Variants in PRLR observed in about 807,000 individuals in gnomAD.
The protein encoded by PRLR is hPRL receptor.
Under a neutral mutation model 40.2 loss-of-function variants are expected in PRLR, and 13 were observed. The ratio of observed to expected loss-of-function variants is 0.32; its 90% CI spans 0.21 to 0.51. The LOEUF (loss-of-function observed/expected upper bound fraction) is 0.51. PRLR is among the 20% of genes least tolerant of loss of function. The pLI, the probability that PRLR is intolerant of heterozygous loss-of-function variation, is 0.97. For synonymous variants in PRLR, 269 were observed against 278.7 expected (o/e 0.97, Z 0.35); for missense variants, 656 against 747.3 (o/e 0.88, Z 1.42).
At position 35,068,799 on chromosome 5, in the gene PRLR, T is replaced by C. The variant is rs375253437; in HGVS notation, c.765A>G (p.Ala255=). Residue 255 remains alanine (A), a synonymous_variant, in exon 8 of 10, where the codon GCA becomes GCG. Transcript: ENST00000618457. ...AGTACCTATAGCCCTTCAAAGCCACTGCCCAGACAATAATCAAACAGATGA... is the reference window on the plus strand; with the variant it reads ...AGTACCTATAGCCCTTCAAAGCCACCGCCCAGACAATAATCAAACAGATGA... The part of the protein sequence containing the change: ...SAVICLIIVW[A]VALKGYSMVT... 67 of 1,609,792 alleles carry C rather than the reference T, an allele frequency of 4.2e-5. No individual in the cohort carries two copies. The highest frequency in any genetic ancestry group is 2.5e-4 in the African/African-American group (19 of 74,638).
chr5:35,109,960 G>C (rs1268742414), intron 2 of PRLR, among the ~76,000 whole-genome samples: 1 of 152,154 alleles, frequency 6.6e-6, no homozygotes. Context: ...AAGGCTTGGA[G>C]CCAACCCAAA....
At chr5:35,093,385 C>T (rs1278185944) in intron 2 of PRLR, among the ~76,000 whole-genome samples, 2 of 152,222 alleles carry the variant, frequency 1.3e-5, no homozygotes, top group Non-Finnish European at 2.9e-5. Flanking sequence ...CCTATGCAGT[C>T]CCCAAGCCAA....
intron 6 of PRLR, 31 bp from the exon 7 acceptor site, chr5:35,070,296 T>C (rs1255393915): frequency 6.2e-7 from 1 of 1,609,654 alleles, no homozygotes; most frequent in South Asian, 1.1e-5. Flanking sequence ...CAGAAGTCAA[T>C]TCTAACATTT....
At chr5:35,109,060 C>T (rs1772469755) in intron 2 of PRLR, among the ~76,000 whole-genome samples, 1 of 152,080 alleles carries the variant, frequency 6.6e-6, no homozygotes, top group African/African-American at 2.4e-5. Context: ...ATAAATAATA[C>T]CACGCATCTA....
At position 35,229,259 on chromosome 5, in the gene PRLR, T is replaced by A. The variant is rs146165844; in HGVS notation, c.-106+1009A>T. On this transcript the variant is annotated intron_variant, in intron 1 of 9. Coordinates refer to ENST00000618457, the MANE Select transcript of PRLR (RefSeq NM_000949.7). ...ATTGGGATTAGCAGCACTTCCCTGGTCAAGTGAAGCACGATTTCAGGTGGG... is the reference window on the plus strand; with the variant it reads ...ATTGGGATTAGCAGCACTTCCCTGGACAAGTGAAGCACGATTTCAGGTGGG... 4.0e-5 allele frequency among the ~76,000 whole-genome samples: 6 copies of A among 151,738 alleles called. No homozygotes were observed. In the East Asian group the frequency reaches 1.2e-3, roughly 29 times the overall value.
At chr5:35,149,169 T>C (rs1213783220) in intron 1 of PRLR, among the ~76,000 whole-genome samples, 2 of 152,146 alleles carry the variant, frequency 1.3e-5, no homozygotes, top group Non-Finnish European at 2.9e-5. Context: ...TTAGTATAAT[T>C]AGTAAGCAGC....
chr5:35,206,050 T>C (rs1431374939), intron 1 of PRLR, among the ~76,000 whole-genome samples: 1 of 152,180 alleles, frequency 6.6e-6, no homozygotes, highest in African/African-American at 2.4e-5. Flanking sequence ...GAAAACTGTT[T>C]ATCATCTTCA....
intron 2 of PRLR, among the ~76,000 whole-genome samples, chr5:35,109,803 G>A (rs1772528055): frequency 6.6e-6 from 1 of 152,208 alleles, no homozygotes. Context: ...GTGGAAGACA[G>A]CGTGGCGATT....
At chr5:35,161,063 G>A (rs1266410916) in intron 1 of PRLR, among the ~76,000 whole-genome samples, 2 of 152,210 alleles carry the variant, frequency 1.3e-5, no homozygotes, top group South Asian at 2.1e-4. Flanking sequence ...ACCTGCAAAA[G>A]CAAAACTACT....
chr5:35,069,762 A>T (rs1769621502), intron 7 of PRLR, among the ~76,000 whole-genome samples: 1 of 152,212 alleles, frequency 6.6e-6, no homozygotes. Flanking sequence ...CATGGCAGAG[A>T]CTGAGCCTTT....
chr5:35,110,892 C>A (rs1474958430), intron 2 of PRLR, among the ~76,000 whole-genome samples: 3 of 152,204 alleles, frequency 2.0e-5, no homozygotes, highest in South Asian at 4.1e-4. Context: ...GCATGGACAT[C>A]CCTGGGTTCT....
Position 35,068,289 on chromosome 5 carries a change from TA to T in PRLR, c.786-5del. The T allele has an allele frequency of 6.2e-7, 1 of 1,609,102 alleles. No homozygotes were observed. ...CGGAAAGATGCAGGTCACCATGCTATAAAATAATTCATGAGATTGGCTAAAT... is the reference window on the plus strand; with the variant it reads ...CGGAAAGATGCAGGTCACCATGCTATAAATAATTCATGAGATTGGCTAAAT... On this transcript the variant is annotated splice_region_variant and splice_polypyrimidine_tract_variant and intron_variant, in intron 8 of 9. Coordinates refer to ENST00000618457, the MANE Select transcript of PRLR (RefSeq NM_000949.7).
intron 1 of PRLR, among the ~76,000 whole-genome samples, chr5:35,209,091 TC>T (rs1166367766): frequency 6.6e-6 from 1 of 152,044 alleles, no homozygotes; most frequent in Admixed American, 6.5e-5. Context: ...TACAATCTAT[TC>T]CTGATTCTTT....
Position 35,203,890 on chromosome 5 carries a change from G to T in PRLR, c.-106+26378C>A, listed in dbSNP as rs543648212. Among the ~76,000 whole-genome samples the T allele has an allele frequency of 7.2e-5, 11 of 152,050 alleles. No individual in the cohort carries two copies. In the East Asian group the frequency reaches 1.9e-3, roughly 27 times the overall value. On this transcript the variant is annotated intron_variant, in intron 1 of 9. Coordinates refer to ENST00000618457, the MANE Select transcript of PRLR (RefSeq NM_000949.7). Reference sequence around the variant, plus strand: ...CCTCATTGAACCATTCTCTTTGTTTGGTAACCTTGGTGTTGCAAATCAAGA... The same window carrying T: ...CCTCATTGAACCATTCTCTTTGTTTTGTAACCTTGGTGTTGCAAATCAAGA...
intron 1 of PRLR, among the ~76,000 whole-genome samples, chr5:35,194,070 C>T (rs566885318): frequency 3.0e-4 from 46 of 152,248 alleles, no homozygotes; most frequent in Middle Eastern, 3.4e-3. Flanking sequence ...TGATGCTGCC[C>T]CGTGGCATGG....
chr5:35,065,831 T>A lies in PRLR; in HGVS notation c.1127A>T (p.Asp376Val). 1.9e-6 allele frequency: 3 copies of A among 1,614,120 alleles called. No homozygotes were observed. The highest frequency in any genetic ancestry group is 2.5e-6 in the Non-Finnish European group (3 of 1,180,016). ...EPQANPSTFY[D>V]PEVIEKPENP... Reference sequence around the variant, plus strand: ...CTCTGGCTTCTCAATGACCTCAGGATCATAGAATGTGGAGGGATTGGCCTG... The same window carrying A: ...CTCTGGCTTCTCAATGACCTCAGGAACATAGAATGTGGAGGGATTGGCCTG... The change falls in exon 10 of 10, where the codon GAT (aspartate) becomes GTT (valine). Residue 376 changes from aspartate to valine, a missense_variant. By Grantham distance (152) the Asp-to-Val change is radical. This residue lies in a region of PRLR where 469 missense variants were observed against 491.5 expected (regional missense o/e 0.95). Transcript: ENST00000618457.
intron 1 of PRLR, 104 bp downstream of exon 1, chr5:35,230,164 C>G (rs969347286): frequency 2.0e-5 from 3 of 152,186 alleles, no homozygotes; most frequent in Non-Finnish European, 4.4e-5. Flanking sequence ...CCCCGCTCTC[C>G]CCTTCAGCAC....
chr5:35,151,411 TCAATGCATGGAGGAG>T (rs1457199027), intron 1 of PRLR, among the ~76,000 whole-genome samples: 7 of 152,158 alleles, frequency 4.6e-5, no homozygotes, highest in African/African-American at 1.7e-4. Flanking sequence ...TTGTTGTAAG[TCAATGCATGGAGGAG>T]GGTATATTTC....
chr5:35,087,780 A>G (rs538307300), intron 3 of PRLR, among the ~76,000 whole-genome samples: 28 of 152,256 alleles, frequency 1.8e-4, no homozygotes, highest in African/African-American at 6.5e-4. Flanking sequence ...CTTGGATGTC[A>G]GGTTCAAAGA....
Sources: allele counts gnomAD v4.1 joint callset (sites outside exome capture counted in the v4.1 genomes callset), GRCh38; gene constraint gnomAD v4.1.1; regional missense constraint gnomAD v4.1.1; transcripts MANE v1.5; gene names NCBI Gene and HGNC (gene_info 2026-07-23, HGNC 2026-07-21).